The following PSMF1 variants were observed in gnomAD, a reference collection of about 807,000 sequenced individuals.
The protein encoded by PSMF1 is proteasome inhibitor subunit 1.
PSMF1 carries 30 observed loss-of-function variants against 29.3 expected under a neutral mutation model. The observed-to-expected ratio is 1.02, with a 90% CI of 0.77 to 1.39. The LOEUF (loss-of-function observed/expected upper bound fraction) is 1.39. Among genes scored for constraint, PSMF1 ranks in the 40% most tolerant of loss-of-function variants. The pLI is 0.00. For synonymous variants in PSMF1, 134 were observed against 139.7 expected, an observed-to-expected ratio of 0.96 and a Z score of 0.29; for missense variants, 344 against 357.5, an observed-to-expected ratio of 0.96 and a Z score of 0.31.
chr20:1,164,348 C>A lies in PSMF1; in HGVS notation c.636C>A (p.Pro212=), dbSNP rs376298956. Residue 212 remains proline (P), a synonymous_variant, in exon 6 of 7, where the codon CCC becomes CCA. Transcript: ENST00000335877. This position sits in a 1 kb window ranked among gnomAD's most constrained non-coding sequence, Gnocchi z 4.1. ...GPRRGGMIVD[P]LRSGFPRALI... is the part of the protein sequence containing the mutation. Reference sequence around the variant, plus strand: ...GGAGAGGTGGCATGATTGTGGATCCCCTGAGATCTGGCTTCCCAAGAGCAC... The same window carrying A: ...GGAGAGGTGGCATGATTGTGGATCCACTGAGATCTGGCTTCCCAAGAGCAC... 2 of 1,614,040 alleles carry A rather than the reference C, an allele frequency of 1.2e-6. No homozygotes were observed. The highest frequency in any genetic ancestry group is 1.7e-6 in the Non-Finnish European group (2 of 1,179,928).
chr20:1,161,725 T>C (rs2086669440), intron 4 of PSMF1: 2 of 579,310 alleles, frequency 3.5e-6, no homozygotes, highest in South Asian at 3.7e-5. Context: ...GTGTAGCATT[T>C]GCTGCATAGG....
Position 1,164,955 on chromosome 20 carries a change from T to G in PSMF1, c.765-74T>G. On this transcript the variant is annotated intron_variant, in intron 6 of 6. Transcript: ENST00000335877. The surrounding 1 kb of genome is among the most constrained non-coding windows in gnomAD (Gnocchi z 4.1). ...CATGTTGAAGGGCAGGCTCCCTCAG[T>G]GCAGGGTCATGTCTGCCCATGTTCC... 4.6e-6 allele frequency: 6 copies of G among 1,308,342 alleles called. No individual in the cohort carries two copies. The highest frequency in any genetic ancestry group is 6.6e-6 in the Non-Finnish European group (6 of 902,398). The allele number at this position is 1,308,342 out of a possible 1,614,324, so 81.0% of individuals were successfully genotyped here.
At position 1,165,047 on chromosome 20, in the gene PSMF1, C is replaced by A. The variant is rs750512137; in HGVS notation, c.783C>A (p.Leu261=). 1.2e-6 allele frequency: 2 copies of A among 1,614,016 alleles called. No individual in the cohort carries two copies. The highest frequency in any genetic ancestry group is 1.7e-6 in the Non-Finnish European group (2 of 1,179,928). Residue 261 remains leucine (L), a synonymous_variant, in exon 7 of 7, where the codon CTC becomes CTA. Transcript: ENST00000335877. The stretch of plus-strand genomic sequence containing the variant: ...ATTCCAGACCTAACCCAGACCATCT[C>A]CCCCCGCCGGGCTACGATGACATGT... The part of the protein sequence containing the change: ...TSPPGPNPDH[L]PPPGYDDMYL
At chr20:1,158,494 G>T (rs1156750153) in intron 4 of PSMF1, among the ~76,000 whole-genome samples, 1 of 152,200 alleles carries the variant, frequency 6.6e-6, no homozygotes, top group East Asian at 1.9e-4. Context: ...TCCCAGTCCT[G>T]AGGCCTTTCC....
chr20:1,158,692 A>C (rs370036891), intron 4 of PSMF1, among the ~76,000 whole-genome samples: 1 of 152,216 alleles, frequency 6.6e-6, no homozygotes, highest in African/African-American at 2.4e-5. Flanking sequence ...TCAGCCATGC[A>C]GTTTTTCCTG....
chr20:1,164,637 C>G lies in PSMF1; in HGVS notation c.764+161C>G, dbSNP rs1195850403. On this transcript the variant is annotated intron_variant, in intron 6 of 6. Coordinates refer to ENST00000335877, the MANE Select transcript of PSMF1 (RefSeq NM_006814.5). The surrounding 1 kb of genome is among the most constrained non-coding windows in gnomAD (Gnocchi z 4.1). ...CCTCCAGGGCCCTGCCTGATTTCTC[C>G]CTGGAGCCTTCTAGGAGCTTCCTAT... is the stretch of plus-strand genomic sequence containing the variant. 1 of 520,666 alleles carries G rather than the reference C, an allele frequency of 1.9e-6. No individual in the cohort carries two copies. The highest frequency in any genetic ancestry group is 2.5e-6 in the Non-Finnish European group (1 of 405,294). 32.3% of individuals were successfully genotyped at this position (520,666 alleles called of 1,614,324 possible).
chr20:1,138,386 C>G (rs908542270), intron 4 of PSMF1, among the ~76,000 whole-genome samples: 1 of 151,990 alleles, frequency 6.6e-6, no homozygotes. Context: ...GCCAGGCGCC[C>G]GGTGGCTCAT....
Position 1,163,047 on chromosome 20 carries a change from C to A in PSMF1, c.552-83C>A, listed in dbSNP as rs2086685896. 1 of 1,479,732 alleles carries A rather than the reference C, an allele frequency of 6.8e-7. No individual in the cohort carries two copies. The highest frequency in any genetic ancestry group is 1.8e-5 in the Admixed American group (1 of 56,162). The allele number at this position is 1,479,732 out of a possible 1,614,324, so 91.7% of individuals were successfully genotyped here. A position where few individuals can be genotyped will look rare whatever the true frequency, so the allele number is the denominator to read the frequency against. ...TGGTCTCATGCAAGGGTTTCCCATG[C>A]CTGTGAGTGTGTTTGTGATCCCACA... On this transcript the variant is annotated intron_variant, in intron 4 of 6. Transcript: ENST00000335877. This position sits in a 1 kb window ranked among gnomAD's most constrained non-coding sequence, Gnocchi z 6.1.
At chr20:1,128,522 T>C (rs2086189481) in intron 3 of PSMF1, among the ~76,000 whole-genome samples, 1 of 152,218 alleles carries the variant, frequency 6.6e-6, no homozygotes, top group Non-Finnish European at 1.5e-5. Flanking sequence ...AAATGACTTA[T>C]TTCCAGTTCT....
At chr20:1,132,465 C>T (rs1347955427) in intron 3 of PSMF1, among the ~76,000 whole-genome samples, 4 of 151,796 alleles carry the variant, frequency 2.6e-5, no homozygotes, top group East Asian at 1.9e-4. Context: ...TTAGTAGAGA[C>T]GGGGTTTTAC....
intron 4 of PSMF1, among the ~76,000 whole-genome samples, chr20:1,148,986 C>T (rs181596892): frequency 7.2e-4 from 109 of 152,208 alleles, no homozygotes; most frequent in African/African-American, 2.5e-3. Flanking sequence ...ATATAAATAA[C>T]AAATTCCTGT....
intron 3 of PSMF1, 125 bp from the exon 4 acceptor site, chr20:1,134,995 TA>T: frequency 1.1e-6 from 1 of 927,274 alleles, no homozygotes; most frequent in Non-Finnish European, 1.7e-6. Flanking sequence ...CCCCCACTTA[TA>T]AACAGGCCAA....
At chr20:1,132,536 A>G in intron 3 of PSMF1, among the ~76,000 whole-genome samples, 1 of 151,994 alleles carries the variant, frequency 6.6e-6, no homozygotes, top group East Asian at 1.9e-4. Context: ...TAGCCTCCCA[A>G]AGTGCTGGGA....
rs1256761105 is a variant in PSMF1 at position 1,163,244 on chromosome 20, CTCA to C, written c.605+64_605+66del. The C allele has an allele frequency of 1.2e-5, 18 of 1,553,448 alleles. No individual in the cohort carries two copies. In the Admixed American group the frequency reaches 3.1e-4, roughly 26 times the overall value. ...TGCTTTTGTGGCTTTTCAGCCCCAGCTCATCTTCTAATTTTAGAGTTTTCGGTC... is the reference window on the plus strand; with the variant it reads ...TGCTTTTGTGGCTTTTCAGCCCCAGCTCTTCTAATTTTAGAGTTTTCGGTC... On this transcript the variant is annotated intron_variant, in intron 5 of 6. Coordinates refer to ENST00000335877, the MANE Select transcript of PSMF1 (RefSeq NM_006814.5). This position sits in a 1 kb window ranked among gnomAD's most constrained non-coding sequence, Gnocchi z 6.1.
rs191003732 is a variant in PSMF1, at chr20:1,168,125, C to T, written c.*3045C>T. ...AGCAAGGCAGAGACCAGAGTCAGTC[C>T]CCCTTGGGGAGCAATCTGTGGTTTT... On this transcript the variant is annotated 3_prime_UTR_variant, in exon 7 of 7. Transcript: ENST00000335877. The T allele has an allele frequency of 2.2e-4, 34 of 152,324 alleles. No homozygotes were observed. Among genetic ancestry groups the T allele is most frequent in the African/African-American group, 7.0e-4 (29 of 41,570 alleles). The allele number at this position is 152,324 out of a possible 1,614,324, so 9.4% of individuals were successfully genotyped here.
chr20:1,119,542 T>C (rs375152195), intron 1 of PSMF1, among the ~76,000 whole-genome samples: 2 of 152,208 alleles, frequency 1.3e-5, no homozygotes, highest in African/African-American at 4.8e-5. Flanking sequence ...CGTACACACA[T>C]ACACCCTGGG....
chr20:1,158,681 C>T (rs2086625762), intron 4 of PSMF1, among the ~76,000 whole-genome samples: 1 of 152,228 alleles, frequency 6.6e-6, no homozygotes, highest in African/African-American at 2.4e-5. Flanking sequence ...ACCCAGTGAG[C>T]TCAGCCATGC....
At chr20:1,130,652 A>G (rs1417897597) in intron 3 of PSMF1, among the ~76,000 whole-genome samples, 8 of 152,094 alleles carry the variant, frequency 5.3e-5, no homozygotes, top group East Asian at 1.9e-4. Context: ...TTTTGGAGTC[A>G]GGTTTCCCTC....
chr20:1,123,761 A>G (rs1284664588), intron 1 of PSMF1, among the ~76,000 whole-genome samples: 32 of 152,252 alleles, frequency 2.1e-4, no homozygotes, highest in Admixed American at 2.1e-3. Flanking sequence ...AAAAACTGTC[A>G]GATTGCTCCC....
Sources: gnomAD v4.1 joint callset for allele counts (sites outside exome capture counted in the v4.1 genomes callset) on GRCh38, gnomAD v4.1.1 for gene constraint, Gnocchi (gnomAD v3.1) non-coding constraint, MANE v1.5 for transcripts, NCBI Gene and HGNC (gene_info 2026-07-23, HGNC 2026-07-21) for gene names.